The following VPS13D variants were observed in gnomAD, a reference collection of about 807,000 sequenced individuals.
The protein encoded by VPS13D is intermembrane lipid transfer protein VPS13D.
Under a neutral mutation model 461.9 loss-of-function variants are expected in VPS13D, and 187 were observed. The observed-to-expected ratio is 0.40, with a 90% CI of 0.36 to 0.46. The LOEUF is 0.46. Ranked by LOEUF, VPS13D falls within the 20% of genes least tolerant of loss-of-function variation. The pLI is 0.60. For missense variants in VPS13D, 4,711 were observed against 5,364.9 expected (o/e 0.88, Z 3.81); for synonymous variants, 1,951 against 1,986.3 (o/e 0.98, Z 0.47).
chr1:12,273,131 C>T lies in VPS13D; in HGVS notation c.2232C>T (p.Thr744=). The change falls in exon 18 of 70, where the codon ACC becomes ACT. Residue 744 remains threonine (T), a synonymous_variant. Coordinates refer to ENST00000620676, the MANE Select transcript of VPS13D (RefSeq NM_015378.4). ...VDLGRMLLTN[T]QDNSRRKSRD... ...TAGGAAGAATGCTTTTGACGAACAC[C>T]CAAGGTATAGTGTGAGTGGGAAATA... 2 of 1,613,756 alleles carry T rather than the reference C, an allele frequency of 1.2e-6. No homozygotes were observed. Among genetic ancestry groups the T allele is most frequent in the Middle Eastern group, 1.7e-4 (1 of 6,060 alleles).
At chr1:12,394,996 C>CA (rs1385766963) in intron 60 of VPS13D, among the ~76,000 whole-genome samples, 1 of 152,116 alleles carries the variant, frequency 6.6e-6, no homozygotes, top group Non-Finnish European at 1.5e-5. Flanking sequence ...TTAGAGAACT[C>CA]AAACAGTTCT....
chr1:12,276,625 G>C lies in VPS13D; in HGVS notation c.3037G>C (p.Gly1013Arg). The C allele has an allele frequency of 6.2e-7, 1 of 1,614,186 alleles. No homozygotes were observed. The highest frequency in any genetic ancestry group is 8.5e-7 in the Non-Finnish European group (1 of 1,180,030). Residue 1013 changes from glycine to arginine, a missense_variant, in exon 19 of 70, where the codon GGT becomes CGT. Gly to Arg is a moderately radical substitution (Grantham distance 125). Coordinates refer to ENST00000620676, the MANE Select transcript of VPS13D (RefSeq NM_015378.4). This position sits in a 1 kb window ranked among gnomAD's most constrained non-coding sequence, Gnocchi z 4.5. ...LLLVDTMQTY[G>R]ADFDLLMASH... ...CCTGGTGGATACCATGCAGACATAT[G>C]GTGCTGATTTTGACCTTTTGATGGC...
At position 12,258,054 on chromosome 1, in the gene VPS13D, A is replaced by G. The variant is rs1306345614; in HGVS notation, c.1061A>G (p.Asp354Gly). 1 of 1,614,236 alleles carries G rather than the reference A, an allele frequency of 6.2e-7. No homozygotes were observed. The highest frequency in any genetic ancestry group is 8.5e-7 in the Non-Finnish European group (1 of 1,180,048). The change falls in exon 10 of 70, where the codon GAC becomes GGC. Residue 354 changes from aspartate to glycine, a missense_variant. Physicochemically the swap from Asp to Gly is moderately conservative, Grantham distance 94. Transcript: ENST00000620676. ...HRARDAVSYT[D>G]KYFNKLKGGL... ...GCTCGTGATGCTGTATCTTACACTG[A>G]CAAATATTTCAACAAGTTAAAAGGA... is the stretch of plus-strand genomic sequence containing the variant.
intron 21 of VPS13D, among the ~76,000 whole-genome samples, chr1:12,286,307 G>A (rs1641975335): frequency 6.6e-6 from 1 of 152,000 alleles, no homozygotes; most frequent in African/African-American, 2.4e-5. Flanking sequence ...CAAACTCCTG[G>A]CCTCAAGTGA....
intron 67 of VPS13D, among the ~76,000 whole-genome samples, chr1:12,492,879 G>A (rs1032919037): frequency 6.6e-6 from 1 of 152,108 alleles, no homozygotes; most frequent in African/African-American, 2.4e-5. Flanking sequence ...TTTTTCAAAA[G>A]CCCAAAACTA....
intron 65 of VPS13D, 85 bp downstream of exon 65, chr1:12,416,912 G>A: frequency 1.4e-6 from 2 of 1,394,520 alleles, no homozygotes; most frequent in East Asian, 2.5e-5. Flanking sequence ...TTAATGGGCT[G>A]TGAAAAGTTA....
intron 63 of VPS13D, among the ~76,000 whole-genome samples, chr1:12,413,179 T>C (rs1004893784): frequency 6.6e-6 from 1 of 152,250 alleles, no homozygotes; most frequent in African/African-American, 2.4e-5. Flanking sequence ...TTTTGTTTGT[T>C]TGTTTGTTTT....
Position 12,276,114 on chromosome 1 carries a change from C to T in VPS13D, c.2526C>T (p.Asp842=), listed in dbSNP as rs760311732. The T allele has an allele frequency of 1.8e-5, 29 of 1,613,968 alleles. No homozygotes were observed. The highest frequency in any genetic ancestry group is 1.6e-4 in the Middle Eastern group (1 of 6,084). Residue 842 remains aspartate, a synonymous_variant, in exon 19 of 70, where the codon GAC becomes GAT. Transcript: ENST00000620676. The surrounding 1 kb of genome is among the most constrained non-coding windows in gnomAD (Gnocchi z 4.5). ...ATTGGAAGCATGTCCAGGATATTGA[C>T]GTGGGACCAACACATGTGGTAGAGA... ...KDNWKHVQDI[D]VGPTHVVEKF...
At chr1:12,254,037 T>C (rs568682571) in intron 7 of VPS13D, among the ~76,000 whole-genome samples, 1 of 152,232 alleles carries the variant, frequency 6.6e-6, no homozygotes, top group Non-Finnish European at 1.5e-5. Context: ...TATGTATGTT[T>C]TAAATTTATA....
intron 40 of VPS13D, among the ~76,000 whole-genome samples, chr1:12,339,456 G>A (rs1643520756): frequency 6.6e-6 from 1 of 152,204 alleles, no homozygotes; most frequent in South Asian, 2.1e-4. Flanking sequence ...AAGTCCGAAG[G>A]GGTAGAAATT....
chr1:12,237,945 C>T (rs1640209553), intron 2 of VPS13D, among the ~76,000 whole-genome samples: 1 of 152,016 alleles, frequency 6.6e-6, no homozygotes, highest in Non-Finnish European at 1.5e-5. Flanking sequence ...CACTTGAAGC[C>T]AGGAGTTCGA....
intron 29 of VPS13D, among the ~76,000 whole-genome samples, chr1:12,313,203 G>A (rs1344900955): frequency 6.6e-6 from 1 of 151,594 alleles, no homozygotes; most frequent in Admixed American, 6.6e-5. Context: ...TTGAAAGTCC[G>A]CCACGGTCTG....
chr1:12,323,767 T>C lies in VPS13D; in HGVS notation c.7977T>C (p.Leu2659=), dbSNP rs758983323. 3.7e-6 allele frequency: 6 copies of C among 1,613,974 alleles called. No individual in the cohort carries two copies. The highest frequency in any genetic ancestry group is 4.2e-6 in the Non-Finnish European group (5 of 1,179,976). ...GFSMDDCRKA[L]LACQGQLKKA... ...GCATGGATGATTGTCGCAAAGCTCT[T>C]TTGGCGTGTCAAGGTAATTTGAACA... The change falls in exon 35 of 70, where the codon CTT becomes CTC. Residue 2659 remains leucine (L), a synonymous_variant. Transcript: ENST00000620676.
chr1:12,475,255 G>A (rs1645615078), intron 67 of VPS13D, among the ~76,000 whole-genome samples: 1 of 152,160 alleles, frequency 6.6e-6, no homozygotes, highest in Non-Finnish European at 1.5e-5. Context: ...ACTGTGCTTT[G>A]TGACCTTGTG....
chr1:12,375,787 G>A (rs565557584), intron 55 of VPS13D, among the ~76,000 whole-genome samples: 4 of 152,232 alleles, frequency 2.6e-5, no homozygotes, highest in Non-Finnish European at 5.9e-5. Context: ...CTGCCCCATC[G>A]CTTAGGTGGA....
chr1:12,376,981 C>G (rs1214051513), intron 55 of VPS13D, among the ~76,000 whole-genome samples: 1 of 152,236 alleles, frequency 6.6e-6, no homozygotes, highest in Admixed American at 6.5e-5. Context: ...TCTCACCGAG[C>G]CTTAACTTCC....
In VPS13D at chr1:12,471,422, G is replaced by A. The variant is rs1299252571; in HGVS notation, c.12662+11026G>A. Among the ~76,000 whole-genome samples the A allele has an allele frequency of 2.6e-5, 4 of 152,100 alleles. No homozygotes were observed. In the East Asian group the frequency reaches 7.7e-4, roughly 29 times the overall value. Reference sequence around the variant, plus strand: ...AGATATGTATTCACTTTTTTAAGTTGAAGTCTTTCTAAATGTCTAAAACCA... The same window carrying A: ...AGATATGTATTCACTTTTTTAAGTTAAAGTCTTTCTAAATGTCTAAAACCA... On this transcript the variant is annotated intron_variant, in intron 67 of 69. Coordinates refer to ENST00000620676, the MANE Select transcript of VPS13D (RefSeq NM_015378.4).
intron 65 of VPS13D, among the ~76,000 whole-genome samples, chr1:12,424,522 G>A (rs1644900174): frequency 6.6e-6 from 1 of 152,140 alleles, no homozygotes; most frequent in Non-Finnish European, 1.5e-5. Context: ...AAATTCACAG[G>A]CAGTCCCCAT....
intron 2 of VPS13D, among the ~76,000 whole-genome samples, chr1:12,236,591 C>T (rs1353233706): frequency 1.3e-5 from 2 of 152,034 alleles, no homozygotes; most frequent in African/African-American, 2.4e-5. Flanking sequence ...CCATGTTGCT[C>T]AGGCAGCTCT....
Sources: allele counts gnomAD v4.1 joint callset (sites outside exome capture counted in the v4.1 genomes callset), GRCh38; gene constraint gnomAD v4.1.1; non-coding constraint Gnocchi (gnomAD v3.1); transcripts MANE v1.5; gene names NCBI Gene and HGNC (gene_info 2026-07-23, HGNC 2026-07-21).